The following SGCZ variants were observed in gnomAD, a reference collection of about 807,000 sequenced individuals.
SGCZ encodes the protein zeta-sarcoglycan.
A neutral mutation model predicts 41.3 loss-of-function variants in SGCZ; 40 were observed. The ratio of observed to expected loss-of-function variants is 0.97; its 90% CI spans 0.75 to 1.26. The LOEUF is 1.26. Ranked by LOEUF, SGCZ falls within the 50% of genes most tolerant of loss-of-function variation. SGCZ has a pLI of 0.00. For missense variants in SGCZ, 552 were observed against 369.8 expected (o/e 1.49, Z -4.04); for synonymous variants, 206 against 137.5 (o/e 1.50, Z -3.49).
At chr8:14,280,283 C>G (rs2116914923) in intron 3 of SGCZ, among the ~76,000 whole-genome samples, 1 of 151,864 alleles carries the variant, frequency 6.6e-6, no homozygotes, top group East Asian at 1.9e-4. Flanking sequence ...TATTCACTAT[C>G]TCACATGTTC....
At chr8:14,899,855 A>G (rs998483219) in intron 1 of SGCZ, among the ~76,000 whole-genome samples, 1 of 151,356 alleles carries the variant, frequency 6.6e-6, no homozygotes, top group Non-Finnish European at 1.5e-5. Context: ...AAGAGGAGGA[A>G]GAAGAAGAAG....
At chr8:14,396,580 G>T (rs960060062) in intron 2 of SGCZ, among the ~76,000 whole-genome samples, 1 of 151,652 alleles carries the variant, frequency 6.6e-6, no homozygotes, top group Non-Finnish European at 1.5e-5. Context: ...CGGTGCTAGG[G>T]ATATAATGGA....
intron 1 of SGCZ, among the ~76,000 whole-genome samples, chr8:14,711,471 G>A (rs968459441): frequency 2.0e-5 from 3 of 149,992 alleles, no homozygotes; most frequent in East Asian, 2.0e-4. Context: ...GCATGATGGC[G>A]CATGCCTGTA....
chr8:14,961,292 GT>G (rs1339522361), intron 1 of SGCZ, among the ~76,000 whole-genome samples: 1 of 152,074 alleles, frequency 6.6e-6, no homozygotes, highest in Non-Finnish European at 1.5e-5. Flanking sequence ...CTACTGACCT[GT>G]TGTTTACTGT....
intron 1 of SGCZ, among the ~76,000 whole-genome samples, chr8:15,028,674 C>T (rs937424298): frequency 1.3e-5 from 2 of 152,030 alleles, no homozygotes; most frequent in Admixed American, 6.6e-5. Flanking sequence ...GATAGAAATG[C>T]TAAGTACATT....
At chr8:14,339,075 G>T (rs796305786) in intron 2 of SGCZ, among the ~76,000 whole-genome samples, 1 of 151,518 alleles carries the variant, frequency 6.6e-6, no homozygotes, top group Non-Finnish European at 1.5e-5. Flanking sequence ...GGATATTCAT[G>T]TTGACAACTA....
intron 2 of SGCZ, among the ~76,000 whole-genome samples, chr8:14,418,668 G>T (rs1382687925): frequency 6.6e-6 from 1 of 151,782 alleles, no homozygotes. Flanking sequence ...TAAATATTTA[G>T]ATACTTTTAT....
chr8:14,134,118 T>G (rs770297917), intron 5 of SGCZ, among the ~76,000 whole-genome samples: 32 of 152,234 alleles, frequency 2.1e-4, no homozygotes, highest in Middle Eastern at 3.2e-3. Context: ...AGCATAACAA[T>G]TGACAAATAT....
At chr8:14,114,618 G>A (rs1802469333) in intron 5 of SGCZ, among the ~76,000 whole-genome samples, 1 of 151,828 alleles carries the variant, frequency 6.6e-6, no homozygotes, top group Non-Finnish European at 1.5e-5. Flanking sequence ...AACAGTGTCA[G>A]AAGACAAAAA....
chr8:14,235,689 A>C (rs1039671913), intron 4 of SGCZ, among the ~76,000 whole-genome samples: 1 of 151,954 alleles, frequency 6.6e-6, no homozygotes, highest in Admixed American at 6.6e-5. Flanking sequence ...GGTGCACTTA[A>C]TTTACGTTTT....
chr8:14,693,757 A>T lies in SGCZ; in HGVS notation c.40-138831T>A, dbSNP rs190810829. ...AGGCGCCTGCCACCACTCCCAGCTA[A>T]TTTTTTGTATTTTTAGTAGGGATGG... On this transcript the variant is annotated intron_variant, in intron 1 of 7. Transcript: ENST00000382080. Among the ~76,000 whole-genome samples the T allele has an allele frequency of 3.8e-3, 577 of 151,286 alleles. 2 individuals carry two copies. Among genetic ancestry groups the T allele is most frequent in the Non-Finnish European group, 6.8e-3 (461 of 67,802 alleles).
At chr8:14,886,597 C>T (rs190033831) in intron 1 of SGCZ, among the ~76,000 whole-genome samples, 2 of 152,006 alleles carry the variant, frequency 1.3e-5, no homozygotes, top group African/African-American at 2.4e-5. Context: ...GAAAAGTGTC[C>T]CTGGCATGTT....
chr8:14,638,811 T>A (rs973591495), intron 1 of SGCZ, among the ~76,000 whole-genome samples: 6 of 151,822 alleles, frequency 4.0e-5, no homozygotes, highest in Non-Finnish European at 8.8e-5. Flanking sequence ...CTACATTTTA[T>A]GAGGATAAGG....
At chr8:14,587,536 C>T (rs989385225) in intron 1 of SGCZ, among the ~76,000 whole-genome samples, 1 of 152,078 alleles carries the variant, frequency 6.6e-6, no homozygotes, top group African/African-American at 2.4e-5. Flanking sequence ...ATGCTTACAA[C>T]TTGTTTATAT....
chr8:14,143,382 C>CTATT (rs1482012080), intron 5 of SGCZ, among the ~76,000 whole-genome samples: 2 of 152,084 alleles, frequency 1.3e-5, no homozygotes, highest in Non-Finnish European at 2.9e-5. Flanking sequence ...AAAATTTTCT[C>CTATT]TATTTGAAAA....
chr8:14,229,996 T>C (rs1191657734), intron 4 of SGCZ, among the ~76,000 whole-genome samples: 1 of 152,238 alleles, frequency 6.6e-6, no homozygotes, highest in African/African-American at 2.4e-5. Context: ...AGTAAAAGCA[T>C]AGCTAGGATG....
intron 2 of SGCZ, among the ~76,000 whole-genome samples, chr8:14,495,797 A>G (rs1420955004): frequency 6.6e-6 from 1 of 152,044 alleles, no homozygotes; most frequent in African/African-American, 2.4e-5. Flanking sequence ...GAAAAACTGT[A>G]TTTTTGAAGC....
intron 1 of SGCZ, among the ~76,000 whole-genome samples, chr8:14,623,856 G>C (rs781377840): frequency 3.9e-5 from 6 of 152,040 alleles, no homozygotes; most frequent in Admixed American, 6.6e-5. Context: ...TAGCCTTCTG[G>C]AACAGAACTT....
At chr8:14,332,803 A>T (rs2117055352) in intron 2 of SGCZ, 1 of 151,464 alleles carries the variant, frequency 6.6e-6, no homozygotes, top group South Asian at 2.1e-4. Context: ...AGTATAGAGT[A>T]TGTAGATATA....
Sources: gnomAD v4.1 joint callset for allele counts (sites outside exome capture counted in the v4.1 genomes callset) on GRCh38, gnomAD v4.1.1 for gene constraint, MANE v1.5 for transcripts, NCBI Gene and HGNC (gene_info 2026-07-23, HGNC 2026-07-21) for gene names.